The following PARP11 variants were observed in gnomAD, a reference collection of about 807,000 sequenced individuals.
PARP11 encodes poly(ADP-ribose) polymerase family member 11.
Under a neutral mutation model 42.9 loss-of-function variants are expected in PARP11, and 31 were observed. That is an observed-to-expected ratio of 0.72 (90% CI 0.54 to 0.98). The LOEUF is 0.98. Ranked by LOEUF, PARP11 falls within the 50% of genes least tolerant of loss-of-function variation. The probability of loss-of-function intolerance (pLI) is 0.00; values close to 1 mark genes in which losing one functional copy is unlikely to be tolerated. For synonymous variants in PARP11, 137 were observed against 127.3 expected (o/e 1.08, Z -0.51); for missense variants, 365 against 413.1 (o/e 0.88, Z 1.01).
At chr12:3,870,561 G>A (rs996941782) in intron 1 of PARP11, among the ~76,000 whole-genome samples, 5 of 152,306 alleles carry the variant, frequency 3.3e-5, no homozygotes, top group African/African-American at 7.2e-5. Context: ...TGACGCAGGA[G>A]GGAAAATTCA....
At chr12:3,812,557 A>G (rs1947203934) in intron 7 of PARP11, 118 bp from the exon 8 acceptor site, 1 of 707,848 alleles carries the variant, frequency 1.4e-6, no homozygotes, top group Admixed American at 2.9e-5. Flanking sequence ...ATAGATGTGG[A>G]ATTTCCTCAT....
chr12:3,821,413 A>G (rs1947388900), intron 6 of PARP11, among the ~76,000 whole-genome samples: 1 of 152,240 alleles, frequency 6.6e-6, no homozygotes, highest in Non-Finnish European at 1.5e-5. Flanking sequence ...AGGAATTGAG[A>G]TTTTAAATCT....
intron 1 of PARP11, among the ~76,000 whole-genome samples, chr12:3,854,385 C>T (rs1464906118): frequency 6.6e-6 from 1 of 152,096 alleles, no homozygotes; most frequent in Non-Finnish European, 1.5e-5. Flanking sequence ...TGATAGACCG[C>T]TAGCAAGACG....
chr12:3,832,058 A>G, intron 1 of PARP11: 1 of 626,582 alleles, frequency 1.6e-6, no homozygotes, highest in Non-Finnish European at 2.0e-6. Flanking sequence ...AAAATAGGAA[A>G]GTTCCCTTTA....
chr12:3,849,486 G>C (rs1948056614), intron 1 of PARP11, among the ~76,000 whole-genome samples: 1 of 152,150 alleles, frequency 6.6e-6, no homozygotes. Flanking sequence ...AAAGAATGGA[G>C]TCATGACATT....
intron 1 of PARP11, among the ~76,000 whole-genome samples, chr12:3,852,220 C>T (rs775108062): frequency 2.0e-5 from 3 of 152,218 alleles, no homozygotes; most frequent in Admixed American, 2.0e-4. Context: ...AACCAGAGCA[C>T]CTCTTCTCCT....
Position 3,838,154 on chromosome 12 carries a change from A to T in PARP11, c.19-8136T>A, listed in dbSNP as rs562228527. Among the ~76,000 whole-genome samples the T allele has an allele frequency of 4.6e-5, 7 of 151,160 alleles. No homozygotes were observed. The South Asian group carries it at 1.3e-3, about 27-fold the overall frequency. On this transcript the variant is annotated intron_variant, in intron 1 of 7. Transcript: ENST00000228820. ...ATTTCACTCAATTGCTGGAGAATAC[A>T]CATTCTTTTCATCAACACATGAAAT...
At position 3,826,145 on chromosome 12, in the gene PARP11, C is replaced by G. The variant is rs751637881; in HGVS notation, c.344+13G>C. 1.3e-6 allele frequency: 2 copies of G among 1,540,774 alleles called. No homozygotes were observed. Among genetic ancestry groups the G allele is most frequent in the African/African-American group, 2.8e-5 (2 of 71,406 alleles). On this transcript the variant is annotated intron_variant, in intron 4 of 7. Coordinates refer to ENST00000228820, the MANE Select transcript of PARP11 (RefSeq NM_020367.6). ...AAAACCCACTCTTTCCACCCCTATT[C>G]TCTTTACCATACCTGAAAGCACTGA...
chr12:3,868,979 G>T (rs1039456842), intron 1 of PARP11, among the ~76,000 whole-genome samples: 3 of 152,196 alleles, frequency 2.0e-5, no homozygotes, highest in Non-Finnish European at 4.4e-5. Context: ...TTGTATGAGA[G>T]AATCTATTTC....
intron 1 of PARP11, among the ~76,000 whole-genome samples, chr12:3,843,733 TG>T (rs1203278990): frequency 6.6e-6 from 1 of 152,232 alleles, no homozygotes; most frequent in African/African-American, 2.4e-5. Context: ...ATTTGGAGAT[TG>T]AACTCTGAAT....
At chr12:3,870,258 T>C (rs543425753) in intron 1 of PARP11, among the ~76,000 whole-genome samples, 2 of 152,268 alleles carry the variant, frequency 1.3e-5, no homozygotes, top group South Asian at 2.1e-4. Flanking sequence ...CATATGCTTA[T>C]AGGAAGAAAA....
chr12:3,850,039 A>G (rs950482328), intron 1 of PARP11, among the ~76,000 whole-genome samples: 1 of 152,110 alleles, frequency 6.6e-6, no homozygotes, highest in Non-Finnish European at 1.5e-5. Flanking sequence ...GAACTGTTAA[A>G]TATACAATAG....
intron 1 of PARP11, among the ~76,000 whole-genome samples, chr12:3,858,947 A>C (rs1234755375): frequency 6.6e-6 from 1 of 151,572 alleles, no homozygotes; most frequent in Non-Finnish European, 1.5e-5. Flanking sequence ...AAATACAAAA[A>C]TTAGCCAGGT....
At chr12:3,813,495 A>G (rs1382416425) in intron 7 of PARP11, among the ~76,000 whole-genome samples, 1 of 152,244 alleles carries the variant, frequency 6.6e-6, no homozygotes. Context: ...TGTGGAAATG[A>G]ATTGCAAAGT....
intron 4 of PARP11, 124 bp from the exon 5 acceptor site, chr12:3,822,281 G>A (rs1419737279): frequency 1.4e-6 from 1 of 729,866 alleles, no homozygotes; most frequent in Non-Finnish European, 2.3e-6. Flanking sequence ...ATTAAATACA[G>A]CCTTCCGTTT....
intron 1 of PARP11, among the ~76,000 whole-genome samples, chr12:3,865,666 C>T (rs1948377641): frequency 6.6e-6 from 1 of 152,106 alleles, no homozygotes; most frequent in African/African-American, 2.4e-5. Context: ...AAACCACTCA[C>T]ACTTTCTCTT....
intron 1 of PARP11, among the ~76,000 whole-genome samples, chr12:3,854,090 G>C (rs1285534674): frequency 6.6e-6 from 1 of 152,144 alleles, no homozygotes; most frequent in Admixed American, 6.5e-5. Context: ...AAACCAATGA[G>C]AACAAAGATA....
chr12:3,823,827 A>AATC (rs1351565937), intron 4 of PARP11, among the ~76,000 whole-genome samples: 1 of 151,828 alleles, frequency 6.6e-6, no homozygotes, highest in Non-Finnish European at 1.5e-5. Context: ...GAGACAGGAG[A>AATC]ATCACTTGAA....
chr12:3,833,226 G>A (rs1275245766), intron 1 of PARP11, among the ~76,000 whole-genome samples: 1 of 152,162 alleles, frequency 6.6e-6, no homozygotes, highest in Admixed American at 6.5e-5. Context: ...TCTCAAACCT[G>A]ATCTTAAAAG....
Sources: allele counts gnomAD v4.1 joint callset (sites outside exome capture counted in the v4.1 genomes callset), GRCh38; gene constraint gnomAD v4.1.1; transcripts MANE v1.5; gene names NCBI Gene and HGNC (gene_info 2026-07-23, HGNC 2026-07-21).